The following ARHGAP15 variants were observed in gnomAD, a reference collection of about 807,000 sequenced individuals.
The protein encoded by ARHGAP15 is rho GTPase-activating protein 15.
A neutral mutation model predicts 63.7 loss-of-function variants in ARHGAP15; 51 were observed. The observed-to-expected ratio is 0.80, with a 90% CI of 0.64 to 1.01. The LOEUF (loss-of-function observed/expected upper bound fraction) is 1.01. Among genes scored for constraint, ARHGAP15 ranks in the 50% least tolerant of loss-of-function variants. The pLI, the probability that ARHGAP15 is intolerant of heterozygous loss-of-function variation, is 0.00. For missense variants in ARHGAP15, 560 were observed against 564.6 expected (o/e 0.99, Z 0.08); for synonymous variants, 191 against 193.8 (o/e 0.99, Z 0.12).
chr2:143,374,065 T>C (rs1426004408), intron 6 of ARHGAP15, among the ~76,000 whole-genome samples: 1 of 152,210 alleles, frequency 6.6e-6, no homozygotes, highest in Non-Finnish European at 1.5e-5. Flanking sequence ...GTACAATTAT[T>C]CTGTTACTCA....
At chr2:143,134,636 T>TC (rs1436893146) in intron 1 of ARHGAP15, among the ~76,000 whole-genome samples, 123 of 9,546 alleles carry the variant, frequency 0.013, 1 homozygote, top group African/African-American at 0.021. Flanking sequence ...CCTTTTCTTT[T>TC]TTTTTTTTTT....
chr2:143,676,279 G>A (rs1262334251), intron 12 of ARHGAP15: 1 of 152,188 alleles, frequency 6.6e-6, no homozygotes, highest in Non-Finnish European at 1.5e-5. Context: ...ATATCATCAA[G>A]AAGTCTGTTT....
chr2:143,183,177 G>A (rs1298487852), intron 2 of ARHGAP15, among the ~76,000 whole-genome samples: 3 of 152,214 alleles, frequency 2.0e-5, no homozygotes, highest in African/African-American at 7.2e-5. Context: ...AGAAGGGCCT[G>A]ACTGTATTCT....
At chr2:143,269,348 T>C (rs1222929335) in intron 6 of ARHGAP15, among the ~76,000 whole-genome samples, 1 of 152,174 alleles carries the variant, frequency 6.6e-6, no homozygotes, top group Non-Finnish European at 1.5e-5. Context: ...ATAAAAGAAA[T>C]GAGTCTTACG....
chr2:143,262,609 G>A (rs1206285609), intron 6 of ARHGAP15, among the ~76,000 whole-genome samples: 2 of 145,806 alleles, frequency 1.4e-5, no homozygotes, highest in Admixed American at 1.4e-4. Flanking sequence ...GCTCTCATCA[G>A]GCCTAGATGT....
At chr2:143,169,817 T>C (rs1690701795) in intron 2 of ARHGAP15, among the ~76,000 whole-genome samples, 1 of 151,640 alleles carries the variant, frequency 6.6e-6, no homozygotes, top group Admixed American at 6.6e-5. Context: ...GTAGAGGTAG[T>C]AATGCTTTTG....
chr2:143,265,443 A>G (rs1680942126), intron 6 of ARHGAP15, among the ~76,000 whole-genome samples: 2 of 152,136 alleles, frequency 1.3e-5, no homozygotes, highest in Non-Finnish European at 2.9e-5. Context: ...CTGATGGAAA[A>G]GCTCAAAAAT....
At chr2:143,443,767 T>C (rs1690006548) in intron 8 of ARHGAP15, among the ~76,000 whole-genome samples, 1 of 152,158 alleles carries the variant, frequency 6.6e-6, no homozygotes, top group Non-Finnish European at 1.5e-5. Flanking sequence ...TCCACATTAA[T>C]TTATCAGAAT....
At chr2:143,548,827 A>G (rs1273772558) in intron 10 of ARHGAP15, among the ~76,000 whole-genome samples, 1 of 152,118 alleles carries the variant, frequency 6.6e-6, no homozygotes, top group Non-Finnish European at 1.5e-5. Context: ...AGCATTTCAT[A>G]GCAGAAATAT....
chr2:143,564,925 T>C (rs1047543745), intron 11 of ARHGAP15, among the ~76,000 whole-genome samples: 1 of 152,216 alleles, frequency 6.6e-6, no homozygotes, highest in African/African-American at 2.4e-5. Flanking sequence ...ATGAAAAATG[T>C]AATACATTTA....
intron 13 of ARHGAP15, among the ~76,000 whole-genome samples, chr2:143,749,802 C>T (rs116185249): frequency 0.019 from 2,829 of 152,102 alleles, 85 homozygotes; most frequent in African/African-American, 0.064. Context: ...AGTATGTACA[C>T]GAAAGAGCAC....
intron 12 of ARHGAP15, among the ~76,000 whole-genome samples, chr2:143,639,015 T>TAAGGCTGGTAGCCTTAGG (rs1680479751): frequency 6.6e-6 from 1 of 152,146 alleles, no homozygotes; most frequent in Non-Finnish European, 1.5e-5. Flanking sequence ...GTAGCCTTCC[T>TAAGGCTGGTAGCCTTAGG]AAGGCTACCA....
intron 9 of ARHGAP15, among the ~76,000 whole-genome samples, chr2:143,510,229 C>T (rs962989480): frequency 3.9e-5 from 6 of 152,038 alleles, no homozygotes; most frequent in Non-Finnish European, 5.9e-5. Context: ...ATTATAGCAA[C>T]TTAGTAGGAA....
chr2:143,628,602 G>T (rs993433431), intron 12 of ARHGAP15, among the ~76,000 whole-genome samples: 21 of 152,066 alleles, frequency 1.4e-4, no homozygotes, highest in Non-Finnish European at 5.9e-5. Context: ...ACCAGACAGG[G>T]CCCATCTGGT....
intron 6 of ARHGAP15, among the ~76,000 whole-genome samples, chr2:143,255,940 T>A (rs1680403396): frequency 6.6e-6 from 1 of 152,124 alleles, no homozygotes; most frequent in Non-Finnish European, 1.5e-5. Flanking sequence ...TTCATCTACC[T>A]ATTAGATATT....
intron 6 of ARHGAP15, among the ~76,000 whole-genome samples, chr2:143,331,140 G>A (rs552002455): frequency 6.6e-6 from 1 of 152,152 alleles, no homozygotes; most frequent in Admixed American, 6.5e-5. Context: ...ACATAAACCA[G>A]AGTTGTCTTT....
At chr2:143,509,430 T>C (rs538253045) in intron 9 of ARHGAP15, among the ~76,000 whole-genome samples, 2 of 152,236 alleles carry the variant, frequency 1.3e-5, no homozygotes, top group South Asian at 2.1e-4. Flanking sequence ...TTGATATCTA[T>C]GTAACATAAA....
intron 7 of ARHGAP15, among the ~76,000 whole-genome samples, chr2:143,435,960 G>T (rs1689596078): frequency 6.6e-6 from 1 of 151,718 alleles, no homozygotes; most frequent in Non-Finnish European, 1.5e-5. Context: ...TTTACTGGAG[G>T]CTGTAAAAAG....
chr2:143,481,308 G>A (rs757176112), intron 8 of ARHGAP15, among the ~76,000 whole-genome samples: 1 of 152,078 alleles, frequency 6.6e-6, no homozygotes, highest in Non-Finnish European at 1.5e-5. Flanking sequence ...AACAAGTAGT[G>A]TAGAAAGCTG....
Sources: allele counts gnomAD v4.1 joint callset (sites outside exome capture counted in the v4.1 genomes callset), GRCh38; gene constraint gnomAD v4.1.1; transcripts MANE v1.5; gene names NCBI Gene and HGNC (gene_info 2026-07-23, HGNC 2026-07-21).